Variants in ZC3H14 observed in about 807,000 individuals in gnomAD.
ZC3H14 encodes zinc finger CCCH domain-containing protein 14.
ZC3H14 carries 31 observed loss-of-function variants against 92.4 expected under a neutral mutation model. The ratio of observed to expected loss-of-function variants is 0.34; its 90% CI spans 0.25 to 0.45. ZC3H14 has a LOEUF of 0.45. Ranked by LOEUF, ZC3H14 falls within the 20% of genes least tolerant of loss-of-function variation. The pLI, the probability that ZC3H14 is intolerant of heterozygous loss-of-function variation, is 1.00. For missense variants in ZC3H14, 781 were observed against 897.3 expected, an observed-to-expected ratio of 0.87 and a Z score of 1.66; for synonymous variants, 321 against 300.9, an observed-to-expected ratio of 1.07 and a Z score of -0.69.
At chr14:88,571,928 C>T in intron 4 of ZC3H14, 102 bp from the exon 5 acceptor site, 1 of 949,344 alleles carries the variant, frequency 1.1e-6, no homozygotes, top group Non-Finnish European at 1.5e-6. Flanking sequence ...CGCGCCACTG[C>T]CCTCCAGCCT....
chr14:88,609,223 T>C (rs906712274), intron 13 of ZC3H14, 44 bp from the exon 14 acceptor site: 3 of 1,612,408 alleles, frequency 1.9e-6, no homozygotes, highest in Middle Eastern at 3.5e-4. Context: ...TAATAATGCA[T>C]TGAGAAGATT....
rs1033626091 is a variant in ZC3H14, at chr14:88,622,470, G to A, written c.*10719G>A. ...TTTGGCAAAGAAAGCAGCAAAGACA[G>A]AGTAATGTTGGCAAGCAAATCCATC... On this transcript the variant is annotated 3_prime_UTR_variant, in exon 17 of 17. Transcript: ENST00000251038. 6.1e-6 allele frequency: 4 copies of A among 653,440 alleles called. No individual in the cohort carries two copies. The highest frequency in any genetic ancestry group is 9.3e-6 in the Non-Finnish European group (4 of 428,452). 40.5% of individuals were successfully genotyped at this position (653,440 alleles called of 1,614,324 possible).
Position 88,621,384 on chromosome 14 carries a change from C to A in ZC3H14, c.*9633C>A. On this transcript the variant is annotated 3_prime_UTR_variant, in exon 17 of 17. Transcript: ENST00000251038. ...CATAATATAAAAATGACCCTATTGA[C>A]CTGCTTTCAGAGAACTTTTTGCTTT... 1 of 1,546,752 alleles carries A rather than the reference C, an allele frequency of 6.5e-7. No individual in the cohort carries two copies. The highest frequency in any genetic ancestry group is 1.4e-5 in the African/African-American group (1 of 73,468).
Position 88,624,679 on chromosome 14 carries a change from C to A in ZC3H14, c.*12928C>A, listed in dbSNP as rs2089645316. 7.1e-6 allele frequency: 2 copies of A among 280,192 alleles called. No individual in the cohort carries two copies. The highest frequency in any genetic ancestry group is 1.3e-5 in the Non-Finnish European group (2 of 150,534). 17.4% of individuals were successfully genotyped at this position (280,192 alleles called of 1,614,324 possible). The stretch of plus-strand genomic sequence containing the variant: ...ATTCCCCCATGGGCCTCCTACTCAG[C>A]AAATCATACACAGGCATACAGACAT... On this transcript the variant is annotated 3_prime_UTR_variant, in exon 17 of 17. Transcript: ENST00000251038.
At chr14:88,611,231 T>TCCTTCCACCTCAG (rs1555411471) in intron 16 of ZC3H14, among the ~76,000 whole-genome samples, 2 of 42,386 alleles carry the variant, frequency 4.7e-5, no homozygotes. Flanking sequence ...GTTCAATCCA[T>TCCTTCCACCTCAG]CCTCCCACCT....
At chr14:88,573,805 G>A (rs916267311) in intron 6 of ZC3H14, 3 of 152,208 alleles carry the variant, frequency 2.0e-5, no homozygotes, top group African/African-American at 7.2e-5. Context: ...TAGTAGAGAT[G>A]GTGTTTCACC....
rs10146011 is a variant in ZC3H14, at chr14:88,616,518, G to A, written c.*4767G>A. On this transcript the variant is annotated 3_prime_UTR_variant, in exon 17 of 17. Transcript: ENST00000251038. ...TAGGTTTGGTGAAAAGCTAATTACA[G>A]CTTTTGTAGGATGGTTCCAAAGATG... The A allele has an allele frequency of 1.0e-4, 63 of 608,522 alleles. No homozygotes were observed. Among genetic ancestry groups the A allele is most frequent in the African/African-American group, 8.5e-4 (46 of 54,176 alleles). 37.7% of individuals were successfully genotyped at this position (608,522 alleles called of 1,614,324 possible).
At chr14:88,568,342 A>G (rs2079960649) in intron 3 of ZC3H14, among the ~76,000 whole-genome samples, 189 bp downstream of exon 3, 1 of 152,222 alleles carries the variant, frequency 6.6e-6, no homozygotes, top group Admixed American at 6.5e-5. Context: ...AGACTGGGTA[A>G]TTTCTAAAAG....
chr14:88,622,910 C>A lies in ZC3H14; in HGVS notation c.*11159C>A, dbSNP rs535733433. 9.0e-5 allele frequency: 38 copies of A among 422,594 alleles called. No homozygotes were observed. The highest frequency in any genetic ancestry group is 4.7e-4 in the African/African-American group (23 of 49,018). The allele number at this position is 422,594 out of a possible 1,614,324, so 26.2% of individuals were successfully genotyped here. A position where few individuals can be genotyped will look rare whatever the true frequency, so the allele number is the denominator to read the frequency against. ...ACTATATCTCAGTCAAAATAAACAT[C>A]CAGTTTCAGTGAATTTTATTTTGAG... On this transcript the variant is annotated 3_prime_UTR_variant, in exon 17 of 17. Coordinates refer to ENST00000251038, the MANE Select transcript of ZC3H14 (RefSeq NM_024824.5).
intron 10 of ZC3H14, among the ~76,000 whole-genome samples, chr14:88,598,766 C>T (rs956526320): frequency 1.3e-5 from 2 of 152,108 alleles, no homozygotes; most frequent in Non-Finnish European, 2.9e-5. Context: ...GTGTAGAGGT[C>T]GGGATTGGTG....
intron 11 of ZC3H14, among the ~76,000 whole-genome samples, 175 bp downstream of exon 11, chr14:88,602,258 ATCTT>A (rs1012890400): frequency 6.6e-6 from 1 of 152,244 alleles, no homozygotes; most frequent in African/African-American, 2.4e-5. Flanking sequence ...ATTCCAGTTC[ATCTT>A]TCTTGTTCAG....
chr14:88,594,995 A>AATATTCAAC (rs1471124836), intron 9 of ZC3H14: 1 of 1,613,920 alleles, frequency 6.2e-7, no homozygotes, highest in South Asian at 1.1e-5. Flanking sequence ...AAAATGAATG[A>AATATTCAAC]ATATTCAACA....
chr14:88,618,897 T>C lies in ZC3H14; in HGVS notation c.*7146T>C, dbSNP rs998562169. 9.3e-6 allele frequency: 13 copies of C among 1,399,780 alleles called. No homozygotes were observed. In the African/African-American group the frequency reaches 1.7e-4, roughly 19 times the overall value. 86.7% of individuals were successfully genotyped at this position (1,399,780 alleles called of 1,614,324 possible). A position where few individuals can be genotyped will look rare whatever the true frequency, so the allele number is the denominator to read the frequency against. ...ATCAGTGACTTTTCCTTTCTAGTTC[T>C]TAAAAGTAACGTGTGATAAGGCCTC... On this transcript the variant is annotated 3_prime_UTR_variant, in exon 17 of 17. Coordinates refer to ENST00000251038, the MANE Select transcript of ZC3H14 (RefSeq NM_024824.5).
rs2089612738 is a variant in ZC3H14 at position 88,624,507 on chromosome 14, A to C, written c.*12756A>C. ...CAAATTTTGAGGTCTTGTATAAAAC[A>C]GTTTAAATTTGCCTCAAGCAAAAGG... On this transcript the variant is annotated 3_prime_UTR_variant, in exon 17 of 17. Coordinates refer to ENST00000251038, the MANE Select transcript of ZC3H14 (RefSeq NM_024824.5). 6.4e-6 allele frequency: 1 copy of C among 156,044 alleles called. No individual in the cohort carries two copies. The highest frequency in any genetic ancestry group is 1.4e-5 in the Non-Finnish European group (1 of 70,642). The allele number at this position is 156,044 out of a possible 1,614,324, so 9.7% of individuals were successfully genotyped here. A position where few individuals can be genotyped will look rare whatever the true frequency, so the allele number is the denominator to read the frequency against.
At chr14:88,570,186 C>T (rs2080211821) in intron 3 of ZC3H14, among the ~76,000 whole-genome samples, 1 of 152,148 alleles carries the variant, frequency 6.6e-6, no homozygotes, top group Non-Finnish European at 1.5e-5. Context: ...CCCATTTTGG[C>T]ACTTTGCTTT....
chr14:88,573,035 T>A (rs757899464), intron 6 of ZC3H14, 28 bp downstream of exon 6: 1 of 1,612,184 alleles, frequency 6.2e-7, no homozygotes, highest in South Asian at 1.1e-5. Flanking sequence ...AATTCTGGCT[T>A]AGGCTAAAAA....
At chr14:88,609,600 T>A (rs2086198556) in intron 14 of ZC3H14, 112 bp from the exon 15 acceptor site, 3 of 1,391,164 alleles carry the variant, frequency 2.2e-6, no homozygotes, top group Non-Finnish European at 3.0e-6. Flanking sequence ...ATATAAACCT[T>A]ACCATTCTAA....
Position 88,572,092 on chromosome 14 carries a change from A to G in ZC3H14, c.298A>G (p.Ser100Gly), listed in dbSNP as rs1326653006. The G allele has an allele frequency of 6.2e-7, 1 of 1,614,210 alleles. No individual in the cohort carries two copies. The highest frequency in any genetic ancestry group is 1.7e-5 in the Admixed American group (1 of 60,030). ...TGATAGTAACGTGCCTTCAAACAAG[A>G]GCAATTTCAGTCGGGGAGATGAGAG... Reference protein sequence around the residue: ...IFDSNVPSNKSNFSRGDERRH... With the variant: ...IFDSNVPSNKGNFSRGDERRH... Residue 100 changes from serine (S) to glycine (G), a missense_variant, in exon 5 of 17, where the codon AGC becomes GGC. Coordinates refer to ENST00000251038, the MANE Select transcript of ZC3H14 (RefSeq NM_024824.5).
intron 10 of ZC3H14, among the ~76,000 whole-genome samples, chr14:88,598,521 G>A (rs1257430143): frequency 6.6e-6 from 1 of 152,184 alleles, no homozygotes; most frequent in Non-Finnish European, 1.5e-5. Context: ...TCTTGGTCCA[G>A]GGACTCTGTT....
Sources: allele counts gnomAD v4.1 joint callset (sites outside exome capture counted in the v4.1 genomes callset), GRCh38; gene constraint gnomAD v4.1.1; transcripts MANE v1.5; gene names NCBI Gene and HGNC (gene_info 2026-07-23, HGNC 2026-07-21).